The following CBLN2 variants were observed in gnomAD, a reference collection of about 807,000 sequenced individuals.
The protein encoded by CBLN2 is cerebellin-2.
A neutral mutation model predicts 15.0 loss-of-function variants in CBLN2; 7 were observed. That is an observed-to-expected ratio of 0.47 (90% CI 0.27 to 0.88). The LOEUF is 0.88. Ranked by LOEUF, CBLN2 falls within the 40% of genes least tolerant of loss-of-function variation. The pLI, the probability that CBLN2 is intolerant of heterozygous loss-of-function variation, is 0.14. For missense variants in CBLN2, 242 were observed against 304.5 expected, an observed-to-expected ratio of 0.79 and a Z score of 1.53; for synonymous variants, 149 against 135.2, an observed-to-expected ratio of 1.10 and a Z score of -0.71.
intron 1 of CBLN2, among the ~76,000 whole-genome samples, chr18:72,596,897 C>A (rs2069517356): frequency 6.6e-6 from 1 of 152,058 alleles, no homozygotes; most frequent in Non-Finnish European, 1.5e-5. Flanking sequence ...TGGTAGTCTT[C>A]TTTGGTTTAA....
chr18:72,601,909 C>A (rs1178843519), intron 1 of CBLN2, among the ~76,000 whole-genome samples: 2 of 152,214 alleles, frequency 1.3e-5, no homozygotes, highest in African/African-American at 4.8e-5. Context: ...CCCAGTCAGC[C>A]CTGCAGTGCC....
chr18:72,580,456 A>G (rs2069395549), intron 1 of CBLN2, among the ~76,000 whole-genome samples: 1 of 152,044 alleles, frequency 6.6e-6, no homozygotes, highest in South Asian at 2.1e-4. Flanking sequence ...CCTCCCTTTA[A>G]CCTCTAAAAA....
chr18:72,542,350 C>A (rs1481711974), intron 2 of CBLN2, 24 bp from the exon 3 acceptor site: 2 of 287,608 alleles, frequency 7.0e-6, no homozygotes, highest in African/African-American at 2.3e-5. Context: ...GAACCCAAAG[C>A]CTTACACCGG....
chr18:72,604,483 AC>A, intron 1 of CBLN2, among the ~76,000 whole-genome samples: 1 of 152,298 alleles, frequency 6.6e-6, no homozygotes, highest in African/African-American at 2.4e-5. Context: ...TTTAGGCAAC[AC>A]ACAATTTATG....
chr18:72,571,428 C>T (rs965980736), intron 1 of CBLN2, among the ~76,000 whole-genome samples: 3 of 151,958 alleles, frequency 2.0e-5, no homozygotes, highest in Non-Finnish European at 4.4e-5. Flanking sequence ...GAAAAAAAAG[C>T]GAGAGCATTG....
At chr18:72,541,670 A>G in intron 3 of CBLN2, 134 bp downstream of exon 3, 1 of 643,620 alleles carries the variant, frequency 1.6e-6, no homozygotes, top group East Asian at 3.2e-5. Flanking sequence ...ACGGGAGGAA[A>G]GAGACTAGCA....
At chr18:72,569,177 T>C (rs2069314566) in intron 1 of CBLN2, among the ~76,000 whole-genome samples, 1 of 152,202 alleles carries the variant, frequency 6.6e-6, no homozygotes, top group Admixed American at 6.5e-5. Context: ...ATGCCACTAG[T>C]GATACCATTG....
chr18:72,634,427 A>G (rs1403539215), intron 1 of CBLN2, among the ~76,000 whole-genome samples: 1 of 152,086 alleles, frequency 6.6e-6, no homozygotes, highest in African/African-American at 2.4e-5. Context: ...TATGTGATAC[A>G]TATGATACTG....
chr18:72,570,103 T>C (rs972311839), intron 1 of CBLN2, among the ~76,000 whole-genome samples: 13 of 152,182 alleles, frequency 8.5e-5, no homozygotes, highest in African/African-American at 3.1e-4. Context: ...ACTGTGAACA[T>C]TGACTCATCA....
At position 72,538,174 on chromosome 18, in the gene CBLN2, G is replaced by A; in HGVS notation, c.*2C>T. The A allele has an allele frequency of 6.2e-7, 1 of 1,614,096 alleles. No homozygotes were observed. The highest frequency in any genetic ancestry group is 8.5e-7 in the Non-Finnish European group (1 of 1,179,996). On this transcript the variant is annotated 3_prime_UTR_variant, in exon 5 of 5. Coordinates refer to ENST00000269503, the MANE Select transcript of CBLN2 (RefSeq NM_182511.4). ...TCCCCCACCATCTAGGGGGCTCTGT[G>A]TTTATAGAGGAAACACCAAGAAGCC... is the stretch of plus-strand genomic sequence containing the variant.
At chr18:72,593,297 T>C (rs1362529143) in intron 1 of CBLN2, among the ~76,000 whole-genome samples, 1 of 152,172 alleles carries the variant, frequency 6.6e-6, no homozygotes, top group Non-Finnish European at 1.5e-5. Flanking sequence ...TTTCTTGATT[T>C]CTTCTGCAGA....
At chr18:72,625,682 A>C (rs1263165365) in intron 1 of CBLN2, among the ~76,000 whole-genome samples, 1 of 120,252 alleles carries the variant, frequency 8.3e-6, no homozygotes, top group African/African-American at 3.2e-5. Context: ...TTATAGTATT[A>C]TTATATATAG....
intron 1 of CBLN2, among the ~76,000 whole-genome samples, chr18:72,573,559 T>A (rs1345764986): frequency 6.6e-6 from 1 of 152,208 alleles, no homozygotes; most frequent in Admixed American, 6.5e-5. Context: ...TGTAACCTTT[T>A]CAGATTGGCC....
intron 1 of CBLN2, among the ~76,000 whole-genome samples, chr18:72,600,712 A>G (rs892750510): frequency 3.3e-5 from 5 of 152,202 alleles, no homozygotes; most frequent in African/African-American, 1.2e-4. Flanking sequence ...GGGCAGTCAC[A>G]TAGGAGAAGG....
In CBLN2 at chr18:72,538,294, T is replaced by C. The variant is rs903500347; in HGVS notation, c.557A>G (p.Asn186Ser). ...DQDVTREAAS[N>S]GVLLLMERED... ...CCTTTCCATGAGCAGCAGCACGCCA[T>C]TGCTAGCAGCTTCTCTGGTGACATC... Residue 186 changes from asparagine to serine, a missense_variant, in exon 5 of 5, where the codon AAT becomes AGT. Asn to Ser is a conservative substitution (Grantham distance 46). Coordinates refer to ENST00000269503, the MANE Select transcript of CBLN2 (RefSeq NM_182511.4). The C allele has an allele frequency of 6.2e-7, 1 of 1,614,016 alleles. No individual in the cohort carries two copies. The highest frequency in any genetic ancestry group is 1.7e-5 in the Admixed American group (1 of 59,986).
upstream of CBLN2, among the ~76,000 whole-genome samples, chr18:72,548,249 T>C (rs139557486): frequency 2.0e-4 from 30 of 152,338 alleles, no homozygotes; most frequent in East Asian, 5.8e-3. Flanking sequence ...ACAAACCAGA[T>C]TACAGATGTG....
chr18:72,604,308 A>AT (rs1024310383), intron 1 of CBLN2, among the ~76,000 whole-genome samples: 8 of 151,922 alleles, frequency 5.3e-5, no homozygotes, highest in East Asian at 1.9e-4. Flanking sequence ...GCCTTTCATA[A>AT]TTTTTTTTGT....
chr18:72,620,133 C>G (rs2069690389), intron 1 of CBLN2: 1 of 152,370 alleles, frequency 6.6e-6, no homozygotes, highest in Non-Finnish European at 1.5e-5. Flanking sequence ...CCACAATGCT[C>G]TTTCAGCTCT....
At chr18:72,570,412 ATT>A (rs200559874) in intron 1 of CBLN2, among the ~76,000 whole-genome samples, 89 of 128,358 alleles carry the variant, frequency 6.9e-4, no homozygotes, top group East Asian at 4.8e-3. Context: ...TAATTTTTGT[ATT>A]TTTTTTTTTT....
Sources: allele counts gnomAD v4.1 joint callset (sites outside exome capture counted in the v4.1 genomes callset), GRCh38; gene constraint gnomAD v4.1.1; transcripts MANE v1.5; gene names NCBI Gene and HGNC (gene_info 2026-07-23, HGNC 2026-07-21).